The following LIN52 variants were observed in gnomAD, a reference collection of about 807,000 sequenced individuals.
The protein encoded by LIN52 is protein lin-52 homolog.
A neutral mutation model predicts 18.5 loss-of-function variants in LIN52; 4 were observed. The observed-to-expected ratio is 0.22, with a 90% CI of 0.11 to 0.49. The LOEUF (loss-of-function observed/expected upper bound fraction) is 0.49. Ranked by LOEUF, LIN52 falls within the 20% of genes least tolerant of loss-of-function variation. The pLI, the probability that LIN52 is intolerant of heterozygous loss-of-function variation, is 0.97. For synonymous variants in LIN52, 34 were observed against 45.5 expected, an observed-to-expected ratio of 0.75 and a Z score of 1.02; for missense variants, 102 against 139.5, an observed-to-expected ratio of 0.73 and a Z score of 1.35.
At chr14:74,157,258 C>G (rs1184308842) in intron 5 of LIN52, among the ~76,000 whole-genome samples, 1 of 151,696 alleles carries the variant, frequency 6.6e-6, no homozygotes, top group Non-Finnish European at 1.5e-5. Flanking sequence ...ATCTTGAACT[C>G]CTGACCTCAG....
rs144580343 is a variant in LIN52, at chr14:74,086,041, T to C, written c.19+1048T>C. On this transcript the variant is annotated intron_variant, in intron 1 of 5. Transcript: ENST00000555028. ...TTTTTTTCAGTTTCAGTTCTCTTTTTAGATGTCACCTCCCAAAGAGTCTTT... is the reference window on the plus strand; with the variant it reads ...TTTTTTTCAGTTTCAGTTCTCTTTTCAGATGTCACCTCCCAAAGAGTCTTT... Among the ~76,000 whole-genome samples, 22 of 152,278 alleles carry C rather than the reference T, an allele frequency of 1.4e-4. No homozygotes were observed. The East Asian group carries it at 4.1e-3, about 28-fold the overall frequency.
At chr14:74,130,240 A>G (rs1251545455) in intron 5 of LIN52, among the ~76,000 whole-genome samples, 1 of 142,774 alleles carries the variant, frequency 7.0e-6, no homozygotes, top group Non-Finnish European at 1.5e-5. Context: ...ATGAACACAT[A>G]TTAGGGAATG....
At chr14:74,123,251 A>G (rs1197333975) in intron 5 of LIN52, among the ~76,000 whole-genome samples, 2 of 152,232 alleles carry the variant, frequency 1.3e-5, no homozygotes, top group Non-Finnish European at 2.9e-5. Flanking sequence ...CTAGACTACA[A>G]TGGTAAGCCC....
intron 5 of LIN52, among the ~76,000 whole-genome samples, chr14:74,120,613 G>A (rs1159852825): frequency 6.6e-6 from 1 of 152,108 alleles, no homozygotes; most frequent in Non-Finnish European, 1.5e-5. Context: ...AAATTAGCCG[G>A]GCTTGGTGGT....
chr14:74,095,429 C>G (rs2060804673), intron 2 of LIN52, among the ~76,000 whole-genome samples: 1 of 152,126 alleles, frequency 6.6e-6, no homozygotes, highest in South Asian at 2.1e-4. Flanking sequence ...GCCACTGCAC[C>G]CGGCCCGTTT....
intron 5 of LIN52, among the ~76,000 whole-genome samples, chr14:74,117,490 G>A (rs560508727): frequency 7.9e-5 from 12 of 151,214 alleles, no homozygotes; most frequent in African/African-American, 2.2e-4. Context: ...TTGGCGGGGG[G>A]GCTTTGAAAG....
chr14:74,102,795 T>C (rs968831204), intron 5 of LIN52, among the ~76,000 whole-genome samples: 2 of 152,250 alleles, frequency 1.3e-5, no homozygotes, highest in African/African-American at 2.4e-5. Flanking sequence ...TCTATAGTTA[T>C]AGCTGAAATT....
intron 5 of LIN52, among the ~76,000 whole-genome samples, chr14:74,168,921 G>T (rs962615802): frequency 2.0e-5 from 3 of 151,998 alleles, no homozygotes; most frequent in African/African-American, 7.3e-5. Flanking sequence ...AATTAGCGGG[G>T]CATGGTGGCG....
intron 5 of LIN52, among the ~76,000 whole-genome samples, chr14:74,146,816 G>A (rs2061153995): frequency 6.6e-6 from 1 of 152,124 alleles, no homozygotes; most frequent in Non-Finnish European, 1.5e-5. Flanking sequence ...TGCAGTAGTG[G>A]CATAAGGATA....
intron 2 of LIN52, among the ~76,000 whole-genome samples, chr14:74,093,319 CTCTT>C (rs1266485962): frequency 1.4e-5 from 2 of 144,342 alleles, no homozygotes; most frequent in Non-Finnish European, 3.0e-5. Context: ...TTTTCAATCA[CTCTT>C]TTTTTTTTTT....
In LIN52 at chr14:74,180,548, G is replaced by A. The variant is rs1269787099; in HGVS notation, c.284-18374G>A. Among the ~76,000 whole-genome samples the A allele has an allele frequency of 2.6e-5, 4 of 151,948 alleles. No individual in the cohort carries two copies. In the East Asian group the frequency reaches 7.8e-4, roughly 30 times the overall value. ...ACTGGGATTACAGGCGTGAGCCACC[G>A]CGCCCAGCCTAGGGAGGAGGAATTT... On this transcript the variant is annotated intron_variant, in intron 5 of 5. Transcript: ENST00000555028.
chr14:74,164,950 G>T (rs1202297902), intron 5 of LIN52, among the ~76,000 whole-genome samples: 3 of 152,068 alleles, frequency 2.0e-5, no homozygotes, highest in Non-Finnish European at 4.4e-5. Context: ...CCTTCAAGAA[G>T]GTAAAATTGA....
At chr14:74,128,825 TC>T (rs2061043217) in intron 5 of LIN52, among the ~76,000 whole-genome samples, 1 of 152,062 alleles carries the variant, frequency 6.6e-6, no homozygotes, top group Admixed American at 6.6e-5. Flanking sequence ...ACGCCTGTAA[TC>T]CCAGCTACTC....
intron 5 of LIN52, among the ~76,000 whole-genome samples, chr14:74,133,885 A>G (rs937514983): frequency 1.3e-5 from 2 of 152,144 alleles, no homozygotes. Context: ...TTTAGTGGAG[A>G]GTGGAGGAAA....
intron 5 of LIN52, among the ~76,000 whole-genome samples, chr14:74,117,764 A>G (rs1263902571): frequency 2.0e-5 from 3 of 152,154 alleles, no homozygotes; most frequent in African/African-American, 7.2e-5. Context: ...TGTTGATAAT[A>G]TGATCTGGAA....
intron 5 of LIN52, among the ~76,000 whole-genome samples, chr14:74,187,651 G>C (rs528047074): frequency 6.6e-6 from 1 of 152,140 alleles, no homozygotes; most frequent in African/African-American, 2.4e-5. Context: ...CCTTCTAAGT[G>C]TCCTATTTAT....
At chr14:74,155,011 CT>C (rs1319787096) in intron 5 of LIN52, among the ~76,000 whole-genome samples, 2 of 152,118 alleles carry the variant, frequency 1.3e-5, no homozygotes, top group African/African-American at 4.8e-5. Flanking sequence ...ATTTCAAACT[CT>C]TTTATGTAAA....
Position 74,199,083 on chromosome 14 carries a change from G to A in LIN52, c.*106G>A, listed in dbSNP as rs1041233127. On this transcript the variant is annotated 3_prime_UTR_variant, in exon 6 of 6. Coordinates refer to ENST00000555028, the MANE Select transcript of LIN52 (RefSeq NM_001024674.3). The stretch of plus-strand genomic sequence containing the variant: ...GCTTGCTTGGGAGAGGCCAGAGGGT[G>A]TACCTCCAGGACTGCCCTCTCCCCT... The A allele has an allele frequency of 1.1e-5, 9 of 786,158 alleles. No individual in the cohort carries two copies. Among genetic ancestry groups the A allele is most frequent in the Middle Eastern group, 2.3e-4 (1 of 4,340 alleles). 48.7% of individuals were successfully genotyped at this position (786,158 alleles called of 1,614,324 possible).
intron 5 of LIN52, among the ~76,000 whole-genome samples, chr14:74,170,346 A>C (rs1003869099): frequency 1.3e-5 from 2 of 152,158 alleles, no homozygotes; most frequent in African/African-American, 4.8e-5. Context: ...TTCCACAAAG[A>C]CTGACTTTTT....
Sources: gnomAD v4.1 joint callset for allele counts (sites outside exome capture counted in the v4.1 genomes callset) on GRCh38, gnomAD v4.1.1 for gene constraint, MANE v1.5 for transcripts, NCBI Gene and HGNC (gene_info 2026-07-23, HGNC 2026-07-21) for gene names.